Variants in OR14I1 observed in about 807,000 individuals in gnomAD.
The protein encoded by OR14I1 is olfactory receptor family 14 subfamily I member 1.
For synonymous variants in OR14I1, 118 were observed against 71.1 expected, an observed-to-expected ratio of 1.66 and a Z score of -3.32; for missense variants, 279 against 181.8, an observed-to-expected ratio of 1.53 and a Z score of -3.07.
upstream of OR14I1, among the ~76,000 whole-genome samples, chr1:248,686,343 G>A (rs1661650115): frequency 6.6e-6 from 1 of 152,168 alleles, no homozygotes; most frequent in African/African-American, 2.4e-5. Flanking sequence ...ACCTCTGAGA[G>A]CATTTGTATC....
At chr1:248,701,549 T>A in the OR14I1 span, among the ~76,000 whole-genome samples, 2 of 152,256 alleles carry the variant, frequency 1.3e-5, no homozygotes, top group East Asian at 3.8e-4. Flanking sequence ...ACACTCTTGG[T>A]ATTTATAAAT....
the OR14I1 span, among the ~76,000 whole-genome samples, chr1:248,688,158 T>C: frequency 6.6e-6 from 1 of 152,244 alleles, no homozygotes; most frequent in Non-Finnish European, 1.5e-5. Flanking sequence ...GTAGAAAATT[T>C]ATATCTCAAA....
the OR14I1 span, among the ~76,000 whole-genome samples, chr1:248,688,422 T>C: frequency 6.6e-6 from 1 of 152,218 alleles, no homozygotes; most frequent in Non-Finnish European, 1.5e-5. Flanking sequence ...AATAAGCAGG[T>C]GAAAATAGTT....
exon 1 of OR14I1, chr1:248,681,673 A>C: frequency 3.8e-6 from 3 of 781,078 alleles, no homozygotes; most frequent in East Asian, 4.8e-5. Context: ...GATCATCATG[A>C]GAATAAAGCA....
the OR14I1 span, among the ~76,000 whole-genome samples, chr1:248,701,344 G>A: frequency 1.3e-5 from 2 of 151,056 alleles, no homozygotes; most frequent in Non-Finnish European, 2.9e-5. Context: ...AGTAGAGACG[G>A]GGTTTCACCA....
upstream of OR14I1, among the ~76,000 whole-genome samples, chr1:248,686,800 T>C (rs1661663783): frequency 6.6e-6 from 1 of 151,920 alleles, no homozygotes; most frequent in South Asian, 2.1e-4. Flanking sequence ...TCAATATGTA[T>C]TCACTGTCTG....
chr1:248,698,074 C>T, the OR14I1 span, among the ~76,000 whole-genome samples: 12 of 152,198 alleles, frequency 7.9e-5, no homozygotes, highest in African/African-American at 2.9e-4. Flanking sequence ...CATAATTCCT[C>T]TTTACCTGCT....
the OR14I1 span, among the ~76,000 whole-genome samples, chr1:248,689,729 T>A: frequency 6.6e-6 from 1 of 152,158 alleles, no homozygotes; most frequent in African/African-American, 2.4e-5. Flanking sequence ...CAAGCAAACC[T>A]AATAGACGTC....
chr1:248,687,562 A>G, the OR14I1 span, among the ~76,000 whole-genome samples: 5 of 152,254 alleles, frequency 3.3e-5, no homozygotes, highest in African/African-American at 1.2e-4. Flanking sequence ...ATATTTTATC[A>G]TTTCATTTTT....
chr1:248,700,056 G>A, the OR14I1 span, among the ~76,000 whole-genome samples: 4 of 152,186 alleles, frequency 2.6e-5, no homozygotes, highest in East Asian at 1.9e-4. Flanking sequence ...CACCGCGTCC[G>A]GCCCACTGCT....
At chr1:248,680,041 A>G (rs1661532670), downstream of OR14I1, among the ~76,000 whole-genome samples, 1 of 152,228 alleles carries the variant, frequency 6.6e-6, no homozygotes, top group Non-Finnish European at 1.5e-5. Context: ...AAAATTTTAT[A>G]TAAAATAGTT....
At chr1:248,686,596 G>GA (rs1338538963), upstream of OR14I1, among the ~76,000 whole-genome samples, 5 of 119,504 alleles carry the variant, frequency 4.2e-5, 1 homozygote, top group South Asian at 1.1e-3. Flanking sequence ...TGTTTCATTG[G>GA]AAAAAAATAT....
At chr1:248,681,792 C>T (rs563232017) in exon 1 of OR14I1, 1 of 780,952 alleles carries the variant, frequency 1.3e-6, no homozygotes, top group African/African-American at 1.7e-5. Context: ...ACTGGTGGAT[C>T]ACACTGGATC....
upstream of OR14I1, among the ~76,000 whole-genome samples, chr1:248,687,231 G>A (rs965076020): frequency 2.6e-5 from 4 of 152,192 alleles, no homozygotes; most frequent in Non-Finnish European, 4.4e-5. Context: ...CTTCGATAAA[G>A]TACAAAACCC....
chr1:248,699,463 G>A, the OR14I1 span, among the ~76,000 whole-genome samples: 1 of 152,176 alleles, frequency 6.6e-6, no homozygotes, highest in Non-Finnish European at 1.5e-5. Context: ...CTATATGGCA[G>A]CAGAAATAAC....
At chr1:248,689,016 T>A in the OR14I1 span, among the ~76,000 whole-genome samples, 29 of 152,314 alleles carry the variant, frequency 1.9e-4, no homozygotes, top group African/African-American at 6.3e-4. Flanking sequence ...AGATGACTGG[T>A]ATAGAAATGA....
exon 1 of OR14I1, chr1:248,681,786 G>A (rs752022336): frequency 1.3e-6 from 1 of 781,104 alleles, no homozygotes; most frequent in South Asian, 1.3e-5. Context: ...GGAAGAACTG[G>A]TGGATCACAC....
upstream of OR14I1, among the ~76,000 whole-genome samples, chr1:248,683,345 CAT>C (rs1228513803): frequency 2.0e-5 from 3 of 152,174 alleles, no homozygotes; most frequent in African/African-American, 7.2e-5. Context: ...GCATCAAAGT[CAT>C]GTGTGTTAGA....
exon 1 of OR14I1, chr1:248,682,057 G>C (rs756997363): frequency 2.6e-6 from 2 of 781,076 alleles, no homozygotes; most frequent in South Asian, 2.7e-5. Context: ...GCGAGTCAGG[G>C]AGTTACGGAT....
Sources: allele counts gnomAD v4.1 joint callset (sites outside exome capture counted in the v4.1 genomes callset), GRCh38; gene constraint gnomAD v4.1.1; transcripts MANE v1.5; gene names NCBI Gene and HGNC (gene_info 2026-07-23, HGNC 2026-07-21).